Variants in COL5A1 observed in about 807,000 individuals in gnomAD.
COL5A1 encodes the protein collagen alpha-1(V) chain.
A neutral mutation model predicts 263.7 loss-of-function variants in COL5A1; 16 were observed. The ratio of observed to expected loss-of-function variants is 0.06; its 90% CI spans 0.04 to 0.09. The LOEUF is 0.09. COL5A1 is among the 10% of genes least tolerant of loss of function. The pLI is 1.00. For missense variants in COL5A1, 2,036 were observed against 2,540.5 expected (o/e 0.80, Z 4.27); for synonymous variants, 1,012 against 1,004.5 (o/e 1.01, Z -0.14).
intron 1 of COL5A1, among the ~76,000 whole-genome samples, chr9:134,688,375 G>T (rs147114136): frequency 6.6e-6 from 1 of 152,186 alleles, no homozygotes; most frequent in East Asian, 1.9e-4. Flanking sequence ...GATGACCCAG[G>T]GCTCGGCACT....
intron 4 of COL5A1, among the ~76,000 whole-genome samples, chr9:134,711,895 C>T (rs1027653069): frequency 2.0e-5 from 3 of 152,036 alleles, no homozygotes; most frequent in Non-Finnish European, 4.4e-5. Context: ...AAGTGGATGG[C>T]GCTGGGCCTG....
chr9:134,819,962 G>T (rs551181929), intron 57 of COL5A1, among the ~76,000 whole-genome samples, 154 bp from the exon 58 acceptor site: 3 of 152,200 alleles, frequency 2.0e-5, no homozygotes, highest in Non-Finnish European at 4.4e-5. Context: ...TCGTCACCTG[G>T]CCCCTCTGTT....
intron 4 of COL5A1, among the ~76,000 whole-genome samples, chr9:134,715,931 G>A (rs1834244299): frequency 6.6e-6 from 1 of 152,110 alleles, no homozygotes; most frequent in Admixed American, 6.6e-5. Flanking sequence ...TGATGATAGT[G>A]GTGGTGGTGA....
intron 1 of COL5A1, among the ~76,000 whole-genome samples, chr9:134,649,225 G>A (rs1445086405): frequency 6.6e-6 from 1 of 152,152 alleles, no homozygotes; most frequent in Non-Finnish European, 1.5e-5. Context: ...GTCACTTTGA[G>A]TTATCCATGT....
Position 134,789,211 on chromosome 9 carries a change from A to G in COL5A1, c.2700+3A>G. 1 of 1,612,548 alleles carries G rather than the reference A, an allele frequency of 6.2e-7. No individual in the cohort carries two copies. Among genetic ancestry groups the G allele is most frequent in the Non-Finnish European group, 8.5e-7 (1 of 1,179,772 alleles). The stretch of plus-strand genomic sequence containing the variant: ...CCAATGGAGAGAAGGGCGGCAGGGT[A>G]AGGATAGCCTGGCCCCTGGGCAGGC... On this transcript the variant is annotated splice_donor_region_variant and intron_variant, in intron 32 of 65. Coordinates refer to ENST00000371817, the MANE Select transcript of COL5A1 (RefSeq NM_000093.5). The surrounding 1 kb of genome is among the most constrained non-coding windows in gnomAD (Gnocchi z 4.8).
In COL5A1 at chr9:134,681,686, G is replaced by A. The variant is rs960730293; in HGVS notation, c.110-9226G>A. ...ACCATGCTCACCTGCCCTGTACCTC[G>A]ATTCCTCTTTCCCAATGAAGGCTCT... is the stretch of plus-strand genomic sequence containing the variant. On this transcript the variant is annotated intron_variant, in intron 1 of 65. Coordinates refer to ENST00000371817, the MANE Select transcript of COL5A1 (RefSeq NM_000093.5). This position sits in a 1 kb window ranked among gnomAD's most constrained non-coding sequence, Gnocchi z 4.3. Among the ~76,000 whole-genome samples, 3 of 152,180 alleles carry A rather than the reference G, an allele frequency of 2.0e-5. No homozygotes were observed. The highest frequency in any genetic ancestry group is 1.9e-4 in the East Asian group (1 of 5,190).
chr9:134,730,418 C>T lies in COL5A1; in HGVS notation c.1107C>T (p.Asp369=). 1 of 1,614,206 alleles carries T rather than the reference C, an allele frequency of 6.2e-7. No individual in the cohort carries two copies. The highest frequency in any genetic ancestry group is 8.5e-7 in the Non-Finnish European group (1 of 1,180,030). ...EGEENPDQPT[D]PGAGAEIPTS... is the part of the protein sequence containing the mutation. The stretch of plus-strand genomic sequence containing the variant: ...AGGAGAACCCCGACCAGCCCACAGA[C>T]CCAGGCGCTGGGGCCGAAATTCCCA... Residue 369 remains aspartate, a synonymous_variant, in exon 7 of 66, where the codon GAC becomes GAT. Coordinates refer to ENST00000371817, the MANE Select transcript of COL5A1 (RefSeq NM_000093.5).
intron 28 of COL5A1, among the ~76,000 whole-genome samples, chr9:134,782,063 C>G (rs1316603341): frequency 6.6e-6 from 1 of 152,208 alleles, no homozygotes; most frequent in Non-Finnish European, 1.5e-5. Context: ...TGGGGAACGT[C>G]TAGACCAGGG....
At chr9:134,779,146 T>C (rs1837163517) in intron 27 of COL5A1, among the ~76,000 whole-genome samples, 2 of 152,230 alleles carry the variant, frequency 1.3e-5, no homozygotes, top group Admixed American at 6.5e-5. Flanking sequence ...GGAATCCCGG[T>C]GCCGGGGGCA....
intron 42 of COL5A1, 33 bp downstream of exon 42, chr9:134,806,329 C>T: frequency 6.9e-7 from 1 of 1,452,614 alleles, no homozygotes; most frequent in Non-Finnish European, 9.4e-7. Context: ...GGAGCCCTTC[C>T]CTCAGAGATG....
intron 14 of COL5A1, 151 bp downstream of exon 14, chr9:134,752,796 G>A (rs1303406989): frequency 4.6e-6 from 3 of 651,884 alleles, no homozygotes; most frequent in South Asian, 1.8e-5. Flanking sequence ...TGGCCAGGGG[G>A]ACCAGGGGCC....
chr9:134,694,750 G>A (rs1833401384), intron 2 of COL5A1, among the ~76,000 whole-genome samples: 1 of 152,154 alleles, frequency 6.6e-6, no homozygotes, highest in Non-Finnish European at 1.5e-5. Context: ...CTGTGACACA[G>A]GGGCTGCCAG....
chr9:134,721,612 G>A (rs1834460470), intron 4 of COL5A1, among the ~76,000 whole-genome samples: 1 of 152,180 alleles, frequency 6.6e-6, no homozygotes, highest in African/African-American at 2.4e-5. Context: ...GTGGGTTACA[G>A]CCTTTCCCTC....
At chr9:134,744,786 C>T (rs1564426326) in intron 11 of COL5A1, among the ~76,000 whole-genome samples, 1 of 152,084 alleles carries the variant, frequency 6.6e-6, no homozygotes, top group African/African-American at 2.4e-5. Context: ...CATGCACACA[C>T]ATACACCCAC....
intron 1 of COL5A1, among the ~76,000 whole-genome samples, chr9:134,662,142 C>CAAAAAAAA (rs34491867): frequency 8.2e-6 from 1 of 121,240 alleles, no homozygotes; most frequent in Non-Finnish European, 1.7e-5. Context: ...ATATCTTGGC[C>CAAAAAAAA]AAAAAAAAAA....
intron 27 of COL5A1, 151 bp from the exon 28 acceptor site, chr9:134,779,951 G>T (rs1471152150): frequency 9.5e-6 from 8 of 840,194 alleles, no homozygotes; most frequent in African/African-American, 1.7e-5. Flanking sequence ...GAGGCCACAG[G>T]GGGACATATG....
intron 61 of COL5A1, 89 bp from the exon 62 acceptor site, chr9:134,824,511 G>A: frequency 6.4e-7 from 1 of 1,557,890 alleles, no homozygotes; most frequent in Non-Finnish European, 8.7e-7. Flanking sequence ...AACCCCTGCA[G>A]ATGTGGCCCC....
chr9:134,814,887 G>A lies in COL5A1; in HGVS notation c.3997G>A (p.Gly1333Ser), dbSNP rs1383460246. The change falls in exon 50 of 66, where the codon GGT becomes AGT. Residue 1333 changes from glycine (G) to serine (S), a missense_variant. This residue lies in a region of COL5A1 where 1,078 missense variants were observed against 1,521.4 expected (regional missense o/e 0.71). Coordinates refer to ENST00000371817, the MANE Select transcript of COL5A1 (RefSeq NM_000093.5). ...PGPKGPPGDD[G>S]PKGSPGPVGF... Reference sequence around the variant, plus strand: ...ACCCAAAGGCCCTCCCGGAGATGATGGTCCCAAAGGCAGCCCTGTGAGTAT... The same window carrying A: ...ACCCAAAGGCCCTCCCGGAGATGATAGTCCCAAAGGCAGCCCTGTGAGTAT... The A allele has an allele frequency of 6.4e-7, 1 of 1,550,806 alleles. No homozygotes were observed. The highest frequency in any genetic ancestry group is 8.7e-7 in the Non-Finnish European group (1 of 1,146,916).
Position 134,829,896 on chromosome 9 carries a change from T to C in COL5A1, c.5068-80T>C, listed in dbSNP as rs551593238. On this transcript the variant is annotated intron_variant, in intron 63 of 65. Coordinates refer to ENST00000371817, the MANE Select transcript of COL5A1 (RefSeq NM_000093.5). ...TGCAGGCGCGGGGGCCGGGAAAGCC[T>C]GGGGCCTTGCTCTGGAGGCCGGAGA... is the stretch of plus-strand genomic sequence containing the variant. The C allele has an allele frequency of 6.2e-4, 922 of 1,487,126 alleles. 1 individual carries two copies. Among genetic ancestry groups the C allele is most frequent in the Middle Eastern group, 1.2e-3 (5 of 4,272 alleles). The allele number at this position is 1,487,126 out of a possible 1,614,324, so 92.1% of individuals were successfully genotyped here.
Sources: gnomAD v4.1 joint callset for allele counts (sites outside exome capture counted in the v4.1 genomes callset) on GRCh38, gnomAD v4.1.1 for gene constraint, gnomAD v4.1.1 regional missense constraint, Gnocchi (gnomAD v3.1) non-coding constraint, MANE v1.5 for transcripts, NCBI Gene and HGNC (gene_info 2026-07-23, HGNC 2026-07-21) for gene names.